KIF26B: variants seen among roughly 807,000 people sequenced by gnomAD.
The protein encoded by KIF26B is kinesin-like protein KIF26B.
Under a neutral mutation model 151.2 loss-of-function variants are expected in KIF26B, and 63 were observed. The observed-to-expected ratio is 0.42, with a 90% CI of 0.34 to 0.51. KIF26B has a LOEUF of 0.51. Among genes scored for constraint, KIF26B ranks in the 20% least tolerant of loss-of-function variants. The probability of loss-of-function intolerance (pLI) is 0.07; values close to 1 mark genes in which losing one functional copy is unlikely to be tolerated. For missense variants in KIF26B, 2,813 were observed against 2,913.6 expected (o/e 0.97, Z 0.79); for synonymous variants, 1,357 against 1,262.1 (o/e 1.08, Z -1.59).
At position 245,681,410 on chromosome 1, in the gene KIF26B, C is replaced by T. The variant is rs190941244; in HGVS notation, c.2259-2823C>T. Among the ~76,000 whole-genome samples the T allele has an allele frequency of 5.5e-4, 84 of 152,196 alleles. No homozygotes were observed. The East Asian group carries it at 0.011, about 19-fold the overall frequency. ...ATTTTTGGTAGAGATGGGGTTTCAC[C>T]GTGTTAGCCAGGATGTTCTTGATCT... is the stretch of plus-strand genomic sequence containing the variant. On this transcript the variant is annotated intron_variant, in intron 10 of 14. Transcript: ENST00000407071.
intron 2 of KIF26B, among the ~76,000 whole-genome samples, chr1:245,315,009 C>T (rs1231745864): frequency 2.0e-5 from 3 of 151,920 alleles, no homozygotes; most frequent in Admixed American, 6.5e-5. Context: ...GGAGAAACCC[C>T]GTCTCTACTA....
At chr1:245,567,353 AC>A (rs374813276) in intron 5 of KIF26B, among the ~76,000 whole-genome samples, 13 of 152,124 alleles carry the variant, frequency 8.5e-5, no homozygotes, top group Middle Eastern at 6.8e-3. Context: ...TTATTCAGAC[AC>A]CCTTTCAGCG....
intron 4 of KIF26B, among the ~76,000 whole-genome samples, chr1:245,508,053 G>A (rs530799538): frequency 1.3e-5 from 2 of 152,246 alleles, no homozygotes; most frequent in Admixed American, 6.5e-5. Flanking sequence ...AGAGCAAGTC[G>A]TTCAGCTTTT....
chr1:245,501,279 C>T lies in KIF26B; in HGVS notation c.1167-39488C>T, dbSNP rs1225153282. 3.9e-5 allele frequency among the ~76,000 whole-genome samples: 6 copies of T among 152,232 alleles called. No homozygotes were observed. In the East Asian group the frequency reaches 1.2e-3, roughly 29 times the overall value. The stretch of plus-strand genomic sequence containing the variant: ...TCTTAACTTCTTTGTGTTTCAATGT[C>T]CTTATCTGTAGAATAAGGATAATAG... On this transcript the variant is annotated intron_variant, in intron 4 of 14. Coordinates refer to ENST00000407071, the MANE Select transcript of KIF26B (RefSeq NM_018012.4).
chr1:245,167,470 G>A lies in KIF26B; in HGVS notation c.465+10787G>A, dbSNP rs987568594. ...ATTTAGAGTGGTTGCTTTCTTTGGG[G>A]TTATAATCACTACTTCCCAACCCTT... On this transcript the variant is annotated intron_variant, in intron 2 of 14. Coordinates refer to ENST00000407071, the MANE Select transcript of KIF26B (RefSeq NM_018012.4). The surrounding 1 kb of genome is among the most constrained non-coding windows in gnomAD (Gnocchi z 4.2). Among the ~76,000 whole-genome samples the A allele has an allele frequency of 6.6e-6, 1 of 152,122 alleles. No individual in the cohort carries two copies. Among genetic ancestry groups the A allele is most frequent in the Non-Finnish European group, 1.5e-5 (1 of 68,026 alleles).
chr1:245,329,099 G>T (rs1037126427), intron 2 of KIF26B, among the ~76,000 whole-genome samples: 2 of 152,222 alleles, frequency 1.3e-5, no homozygotes, highest in Non-Finnish European at 2.9e-5. Context: ...CAAAGAGGTC[G>T]TATGTTTGGA....
chr1:245,685,456 C>A lies in KIF26B; in HGVS notation c.2473C>A (p.Arg825Ser), dbSNP rs201582888. The A allele has an allele frequency of 1.1e-4, 171 of 1,613,488 alleles. 1 individual carries two copies. Among genetic ancestry groups the A allele is most frequent in the Non-Finnish European group, 8.1e-5 (95 of 1,179,808 alleles). ...GESSCEEGRM[R>S]RPTQLRPFHT... The stretch of plus-strand genomic sequence containing the variant: ...GAGCTCCTGCGAAGAAGGCCGCATG[C>A]GCAGGCCCACCCAGCTGAGACCCTT... The change falls in exon 12 of 15, where the codon CGC (arginine) becomes AGC (serine). Residue 825 changes from arginine to serine, a missense_variant. By Grantham distance (110) the Arg-to-Ser change is moderately radical. Coordinates refer to ENST00000407071, the MANE Select transcript of KIF26B (RefSeq NM_018012.4).
rs1190430938 is a variant in KIF26B at position 245,239,373 on chromosome 1, A to G, written c.465+82690A>G. 6.6e-6 allele frequency among the ~76,000 whole-genome samples: 1 copy of G among 152,230 alleles called. No individual in the cohort carries two copies. Among genetic ancestry groups the G allele is most frequent in the Non-Finnish European group, 1.5e-5 (1 of 68,044 alleles). On this transcript the variant is annotated intron_variant, in intron 2 of 14. Coordinates refer to ENST00000407071, the MANE Select transcript of KIF26B (RefSeq NM_018012.4). This position sits in a 1 kb window ranked among gnomAD's most constrained non-coding sequence, Gnocchi z 4.3. The stretch of plus-strand genomic sequence containing the variant: ...CACTTTCCAGAAGAGCTACGTTTTA[A>G]TGATTTACTAGAAAGCGAATTCTTT...
intron 5 of KIF26B, among the ~76,000 whole-genome samples, chr1:245,565,560 G>T (rs1443542255): frequency 6.6e-6 from 1 of 152,152 alleles, no homozygotes; most frequent in Non-Finnish European, 1.5e-5. Context: ...AAAGTGCTGG[G>T]ATTACAGGCA....
chr1:245,255,440 A>G (rs1183584290), intron 2 of KIF26B, among the ~76,000 whole-genome samples: 2 of 152,220 alleles, frequency 1.3e-5, no homozygotes, highest in African/African-American at 2.4e-5. Context: ...ACCCATTTAG[A>G]TTGAAATCAG....
chr1:245,388,608 C>A (rs1169019873), intron 3 of KIF26B, among the ~76,000 whole-genome samples: 2 of 152,312 alleles, frequency 1.3e-5, no homozygotes, highest in East Asian at 3.9e-4. Flanking sequence ...TCCCGCCTTC[C>A]CTAGAGAGAA....
At chr1:245,621,267 A>G (rs892764832) in intron 9 of KIF26B, among the ~76,000 whole-genome samples, 1 of 152,166 alleles carries the variant, frequency 6.6e-6, no homozygotes, top group Non-Finnish European at 1.5e-5. Context: ...TCGGATTTTC[A>G]TCTTAGATTT....
At chr1:245,391,955 T>A (rs763826286) in intron 3 of KIF26B, among the ~76,000 whole-genome samples, 1 of 151,840 alleles carries the variant, frequency 6.6e-6, no homozygotes, top group Non-Finnish European at 1.5e-5. Context: ...AAAGATGGAA[T>A]GATTCTTATA....
chr1:245,607,911 C>T (rs1220304632), intron 7 of KIF26B, among the ~76,000 whole-genome samples, 167 bp downstream of exon 7: 1 of 152,204 alleles, frequency 6.6e-6, no homozygotes, highest in African/African-American at 2.4e-5. Context: ...CTATGTTGTT[C>T]ATTGTAGGTG....
At chr1:245,420,083 C>T (rs1184781430) in intron 4 of KIF26B, among the ~76,000 whole-genome samples, 1 of 152,154 alleles carries the variant, frequency 6.6e-6, no homozygotes, top group Non-Finnish European at 1.5e-5. Flanking sequence ...ATGTGTAGCT[C>T]CAAAGATGCT....
chr1:245,679,821 G>A (rs2044408883), intron 10 of KIF26B, among the ~76,000 whole-genome samples: 1 of 152,048 alleles, frequency 6.6e-6, no homozygotes, highest in African/African-American at 2.4e-5. Context: ...AGTGAAACAT[G>A]TATGCGTAAA....
Position 245,698,798 on chromosome 1 carries a change from G to C in KIF26B, c.6028-89G>C. ...TCCCACACGTCTCCAAGCCCAGCCT[G>C]TTTTCCATCAACGATACTCACAGGT... On this transcript the variant is annotated intron_variant, in intron 13 of 14. Transcript: ENST00000407071. The surrounding 1 kb of genome is among the most constrained non-coding windows in gnomAD (Gnocchi z 4.0). 6.7e-7 allele frequency: 1 copy of C among 1,500,250 alleles called. No individual in the cohort carries two copies. Among genetic ancestry groups the C allele is most frequent in the Non-Finnish European group, 9.0e-7 (1 of 1,108,750 alleles). 92.9% of individuals were successfully genotyped at this position (1,500,250 alleles called of 1,614,324 possible). A position where few individuals can be genotyped will look rare whatever the true frequency, so the allele number is the denominator to read the frequency against.
At position 245,688,135 on chromosome 1, in the gene KIF26B, C is replaced by G; in HGVS notation, c.5152C>G (p.Pro1718Ala). 1 of 1,587,680 alleles carries G rather than the reference C, an allele frequency of 6.3e-7. No individual in the cohort carries two copies. The highest frequency in any genetic ancestry group is 8.5e-7 in the Non-Finnish European group (1 of 1,173,164). Residue 1718 changes from proline to alanine, a missense_variant, in exon 12 of 15, where the codon CCC (proline) becomes GCC (alanine). Transcript: ENST00000407071. ...CCTGGGCCGCAGCGCCGGGACCTCG[C>G]CCCCCAGCTCCGGGGCCTCGCCCAA... ...RSLGRSAGTS[P>A]PSSGASPKAG...
chr1:245,587,248 T>C (rs1477245227), intron 5 of KIF26B, among the ~76,000 whole-genome samples: 2 of 152,176 alleles, frequency 1.3e-5, no homozygotes, highest in Non-Finnish European at 2.9e-5. Flanking sequence ...TGCCCCCTCA[T>C]TTGGGTCCTC....
Sources: gnomAD v4.1 joint callset for allele counts (sites outside exome capture counted in the v4.1 genomes callset) on GRCh38, gnomAD v4.1.1 for gene constraint, Gnocchi (gnomAD v3.1) non-coding constraint, MANE v1.5 for transcripts, NCBI Gene and HGNC (gene_info 2026-07-23, HGNC 2026-07-21) for gene names.